Variants in GPATCH2 observed in about 807,000 individuals in gnomAD.
GPATCH2 encodes the protein G-patch domain containing 2.
In GPATCH2, 51 loss-of-function variants were observed where a neutral mutation model predicts 58.0. The observed-to-expected ratio is 0.88, with a 90% confidence interval of 0.70 to 1.11. The LOEUF (loss-of-function observed/expected upper bound fraction) is 1.11, where lower values mean the gene tolerates loss of function less well. Ranked by LOEUF, GPATCH2 falls within the 50% of genes most tolerant of loss-of-function variation. The probability of loss-of-function intolerance (pLI) is 0.00; values close to 1 mark genes in which losing one functional copy is unlikely to be tolerated. For missense variants in GPATCH2, 625 were observed against 652.2 expected (o/e 0.96, Z 0.45); for synonymous variants, 222 against 218.5 (o/e 1.02, Z -0.14).
At chr1:217,468,530 C>T (rs1256748892) in intron 8 of GPATCH2, among the ~76,000 whole-genome samples, 1 of 89,062 alleles carries the variant, frequency 1.1e-5, no homozygotes, top group Non-Finnish European at 3.1e-5. Flanking sequence ...CACACACACA[C>T]ACACACACAC....
chr1:217,570,163 G>A (rs1468251310), intron 5 of GPATCH2, among the ~76,000 whole-genome samples: 1 of 152,130 alleles, frequency 6.6e-6, no homozygotes, highest in Non-Finnish European at 1.5e-5. Flanking sequence ...CCAGGCTGGA[G>A]TGCAGTGGCT....
intron 5 of GPATCH2, among the ~76,000 whole-genome samples, chr1:217,583,570 CAA>C (rs60392448): frequency 3.7e-4 from 24 of 65,192 alleles, no homozygotes; most frequent in South Asian, 1.2e-3. Context: ...GACTCTGTCT[CAA>C]AAAAAAAAAA....
rs140383211 is a variant in GPATCH2 at position 217,492,177 on chromosome 1, T to G, written c.1207-427A>C. On this transcript the variant is annotated intron_variant, in intron 7 of 9. Transcript: ENST00000366935. ...CTTCACTGTTGCATTCAGCTGTGAATTTTTTAAGGCTTTGTTACCTATGCT... is the reference window on the plus strand; with the variant it reads ...CTTCACTGTTGCATTCAGCTGTGAAGTTTTTAAGGCTTTGTTACCTATGCT... Among the ~76,000 whole-genome samples the G allele has an allele frequency of 2.4e-4, 36 of 152,284 alleles. 1 individual carries two copies. The highest frequency in any genetic ancestry group is 8.4e-4 in the African/African-American group (35 of 41,578).
intron 9 of GPATCH2, among the ~76,000 whole-genome samples, chr1:217,448,415 A>T (rs1040383905): frequency 6.6e-6 from 1 of 152,018 alleles, no homozygotes; most frequent in Admixed American, 6.6e-5. Context: ...CTGCATCACA[A>T]ATCCATTATG....
chr1:217,470,577 C>T (rs539316468), intron 8 of GPATCH2, among the ~76,000 whole-genome samples: 2 of 152,150 alleles, frequency 1.3e-5, no homozygotes, highest in East Asian at 3.9e-4. Context: ...TTTAAAATAA[C>T]CCTCTATGAT....
intron 7 of GPATCH2, among the ~76,000 whole-genome samples, chr1:217,493,978 T>G (rs2102538054): frequency 6.6e-6 from 1 of 152,186 alleles, no homozygotes; most frequent in African/African-American, 2.4e-5. Context: ...ATAAAAAATT[T>G]ATAGTTTAGT....
chr1:217,569,980 C>G (rs1290961903), intron 5 of GPATCH2, among the ~76,000 whole-genome samples: 1 of 152,128 alleles, frequency 6.6e-6, no homozygotes, highest in Non-Finnish European at 1.5e-5. Context: ...GTGACAAAGC[C>G]TCTTCAAATC....
At chr1:217,624,385 G>T (rs960734411) in intron 1 of GPATCH2, among the ~76,000 whole-genome samples, 1 of 152,198 alleles carries the variant, frequency 6.6e-6, no homozygotes, top group Admixed American at 6.5e-5. Context: ...ATGCACAGTG[G>T]CAGATGCCTG....
At chr1:217,617,764 T>C (rs1264843284) in intron 2 of GPATCH2, among the ~76,000 whole-genome samples, 2 of 152,158 alleles carry the variant, frequency 1.3e-5, no homozygotes, top group Non-Finnish European at 2.9e-5. Flanking sequence ...AGAAAATATA[T>C]TTTTTAACAT....
intron 5 of GPATCH2, among the ~76,000 whole-genome samples, chr1:217,564,020 C>A (rs892107663): frequency 2.3e-5 from 3 of 128,738 alleles, no homozygotes; most frequent in African/African-American, 9.1e-5. Context: ...CTCCAGCCTG[C>A]GCAACAACAG....
At position 217,568,001 on chromosome 1, in the gene GPATCH2, T is replaced by C. The variant is rs543657625; in HGVS notation, c.1098+42320A>G. Among the ~76,000 whole-genome samples the C allele has an allele frequency of 8.6e-4, 130 of 152,026 alleles. 1 individual carries two copies. The South Asian group carries it at 0.012, about 15-fold the overall frequency. The stretch of plus-strand genomic sequence containing the variant: ...GCACGGTGGCGGGCGCCTGCAGTCC[T>C]AGCTACTCAGGAGGCTGAGGCAGGA... On this transcript the variant is annotated intron_variant, in intron 5 of 9. Coordinates refer to ENST00000366935, the MANE Select transcript of GPATCH2 (RefSeq NM_018040.5).
At position 217,584,344 on chromosome 1, in the gene GPATCH2, A is replaced by AAAAAAAAAAAAATATATATAT. The variant is rs1463910405; in HGVS notation, c.1098+25976_1098+25977insATATATATATTTTTTTTTTTT. 4.9e-3 allele frequency among the ~76,000 whole-genome samples: 493 copies of AAAAAAAAAAAAATATATATAT among 100,944 alleles called. 2 individuals carry two copies. Among genetic ancestry groups the AAAAAAAAAAAAATATATATAT allele is most frequent in the East Asian group, 0.032 (49 of 1,522 alleles). The allele number at this position is 100,944 out of a possible 152,430, so 66.2% of individuals were successfully genotyped here. On this transcript the variant is annotated intron_variant, in intron 5 of 9. Transcript: ENST00000366935. Reference sequence around the variant, plus strand: ...CTCACCTCTACTAAAAAAAAAAAAAAATATATATATATATATATATACACA... The same window carrying AAAAAAAAAAAAATATATATAT: ...CTCACCTCTACTAAAAAAAAAAAAAAAAAAAAAAAAAATATATATATATATATATATATATATATATACACA...
At chr1:217,478,668 C>T (rs971159216) in intron 8 of GPATCH2, among the ~76,000 whole-genome samples, 2 of 150,538 alleles carry the variant, frequency 1.3e-5, no homozygotes, top group African/African-American at 5.0e-5. Flanking sequence ...AGTAATTGGC[C>T]TTAAAAAGTG....
At chr1:217,607,665 G>A (rs1472199875) in intron 5 of GPATCH2, among the ~76,000 whole-genome samples, 5 of 152,146 alleles carry the variant, frequency 3.3e-5, no homozygotes, top group South Asian at 2.1e-4. Context: ...ACCTAACCCT[G>A]TCTTTCCCTT....
chr1:217,622,184 A>G (rs1336218609), intron 1 of GPATCH2, among the ~76,000 whole-genome samples: 1 of 152,130 alleles, frequency 6.6e-6, no homozygotes, highest in Non-Finnish European at 1.5e-5. Context: ...AACCCAAATG[A>G]CTCGTAGGTA....
At chr1:217,543,929 G>T (rs1450470660) in intron 5 of GPATCH2, among the ~76,000 whole-genome samples, 2 of 152,112 alleles carry the variant, frequency 1.3e-5, no homozygotes, top group African/African-American at 2.4e-5. Context: ...AGGCTCGCTT[G>T]GCTAACAGTT....
intron 5 of GPATCH2, among the ~76,000 whole-genome samples, chr1:217,580,013 A>G (rs1337312693): frequency 6.6e-6 from 1 of 152,214 alleles, no homozygotes; most frequent in Non-Finnish European, 1.5e-5. Flanking sequence ...CTCCAAGAAA[A>G]GTACAAAATA....
intron 5 of GPATCH2, among the ~76,000 whole-genome samples, chr1:217,605,958 C>G (rs1668343080): frequency 6.6e-6 from 1 of 152,014 alleles, no homozygotes; most frequent in Non-Finnish European, 1.5e-5. Flanking sequence ...AAATTAATGA[C>G]CATTTGCTTC....
intron 9 of GPATCH2, among the ~76,000 whole-genome samples, chr1:217,437,738 G>A (rs1282657655): frequency 6.6e-6 from 1 of 152,186 alleles, no homozygotes; most frequent in East Asian, 1.9e-4. Flanking sequence ...CCCAGTAAGG[G>A]GCTTATAGAT....
Sources: gnomAD v4.1 joint callset for allele counts (sites outside exome capture counted in the v4.1 genomes callset) on GRCh38, gnomAD v4.1.1 for gene constraint, MANE v1.5 for transcripts, NCBI Gene and HGNC (gene_info 2026-07-23, HGNC 2026-07-21) for gene names.